The following EVA1A variants were observed in gnomAD, a reference collection of about 807,000 sequenced individuals.
EVA1A encodes protein eva-1 homolog A.
A neutral mutation model predicts 9.8 loss-of-function variants in EVA1A; 7 were observed. That is an observed-to-expected ratio of 0.71 (90% CI 0.41 to 1.34). EVA1A has a LOEUF of 1.34. EVA1A is among the 40% of genes most tolerant of loss of function. EVA1A has a pLI of 0.01. For synonymous variants in EVA1A, 90 were observed against 85.6 expected, an observed-to-expected ratio of 1.05 and a Z score of -0.28; for missense variants, 206 against 205.9, an observed-to-expected ratio of 1.00 and a Z score of 0.00.
chr2:75,507,427 A>G (rs1373406364), intron 3 of EVA1A, among the ~76,000 whole-genome samples: 2 of 152,176 alleles, frequency 1.3e-5, no homozygotes, highest in Non-Finnish European at 2.9e-5. Context: ...AGGTCTTCCC[A>G]GGTTTCCAAG....
At chr2:75,539,103 T>G (rs1474536526) in intron 1 of EVA1A, among the ~76,000 whole-genome samples, 1 of 152,182 alleles carries the variant, frequency 6.6e-6, no homozygotes, top group Non-Finnish European at 1.5e-5. Flanking sequence ...TGCATAATCT[T>G]TAGAGTCTTC....
chr2:75,520,975 ATCC>A (rs1204800046), intron 2 of EVA1A, among the ~76,000 whole-genome samples: 3 of 152,210 alleles, frequency 2.0e-5, no homozygotes, highest in Non-Finnish European at 2.9e-5. Flanking sequence ...ACTGCTACCT[ATCC>A]TAATTCCTAA....
intron 1 of EVA1A, among the ~76,000 whole-genome samples, chr2:75,549,656 T>G (rs766328545): frequency 5.3e-5 from 8 of 152,208 alleles, no homozygotes; most frequent in African/African-American, 1.2e-4. Context: ...TCTTGAATGA[T>G]GTACTGTTTA....
chr2:75,529,215 T>C (rs1675560396), intron 1 of EVA1A, among the ~76,000 whole-genome samples: 1 of 152,084 alleles, frequency 6.6e-6, no homozygotes, highest in Non-Finnish European at 1.5e-5. Flanking sequence ...TAAATATATA[T>C]GTACCCAACA....
chr2:75,544,400 T>G (rs1676251301), intron 1 of EVA1A, among the ~76,000 whole-genome samples: 2 of 152,202 alleles, frequency 1.3e-5, no homozygotes, highest in South Asian at 4.1e-4. Flanking sequence ...AGCATTATTA[T>G]TAGTATTATT....
chr2:75,506,880 C>T (rs2103806670), intron 3 of EVA1A, among the ~76,000 whole-genome samples: 1 of 152,246 alleles, frequency 6.6e-6, no homozygotes, highest in East Asian at 1.9e-4. Context: ...GACTCCATAG[C>T]CGTTTACCAA....
At chr2:75,538,807 G>T (rs1367865806) in intron 1 of EVA1A, among the ~76,000 whole-genome samples, 1 of 152,162 alleles carries the variant, frequency 6.6e-6, no homozygotes, top group African/African-American at 2.4e-5. Flanking sequence ...ATAGAAATAG[G>T]GAATAAATTA....
intron 1 of EVA1A, among the ~76,000 whole-genome samples, chr2:75,536,837 C>T (rs1675922822): frequency 6.6e-6 from 1 of 152,030 alleles, no homozygotes; most frequent in African/African-American, 2.4e-5. Flanking sequence ...AAAAAAACAA[C>T]TTCAGGCCTA....
At chr2:75,550,852 G>A (rs984852746) in intron 1 of EVA1A, among the ~76,000 whole-genome samples, 8 of 152,176 alleles carry the variant, frequency 5.3e-5, no homozygotes, top group Non-Finnish European at 1.2e-4. Flanking sequence ...GGGCAGGCAC[G>A]GTGGCTCACG....
intron 1 of EVA1A, among the ~76,000 whole-genome samples, chr2:75,568,574 G>A (rs1036701539): frequency 5.3e-5 from 8 of 151,940 alleles, no homozygotes; most frequent in African/African-American, 1.5e-4. Context: ...GGCAGTATAC[G>A]CTGTACCCAG....
At chr2:75,535,995 CT>C (rs1448997504) in intron 1 of EVA1A, among the ~76,000 whole-genome samples, 2 of 152,306 alleles carry the variant, frequency 1.3e-5, no homozygotes, top group African/African-American at 4.8e-5. Flanking sequence ...AAAGTCCTTT[CT>C]TTGATTATTT....
At chr2:75,499,154 G>T (rs941243350) in intron 3 of EVA1A, among the ~76,000 whole-genome samples, 1 of 152,158 alleles carries the variant, frequency 6.6e-6, no homozygotes, top group South Asian at 2.1e-4. Context: ...AAAAGCCCTG[G>T]ACTTGGCCTC....
At chr2:75,542,936 G>A (rs1452333062) in intron 1 of EVA1A, among the ~76,000 whole-genome samples, 1 of 152,088 alleles carries the variant, frequency 6.6e-6, no homozygotes, top group Non-Finnish European at 1.5e-5. Context: ...GCTAGATGAG[G>A]CAATCCTGAG....
intron 3 of EVA1A, among the ~76,000 whole-genome samples, chr2:75,494,436 T>C (rs1443984341): frequency 6.6e-6 from 1 of 152,208 alleles, no homozygotes; most frequent in Non-Finnish European, 1.5e-5. Context: ...TGTGATTTTG[T>C]CTTGTTCTCT....
At chr2:75,511,791 C>T (rs934241309) in intron 3 of EVA1A, among the ~76,000 whole-genome samples, 9 of 152,020 alleles carry the variant, frequency 5.9e-5, no homozygotes, top group South Asian at 2.1e-4. Flanking sequence ...ATTCTACATG[C>T]GCAGGATATA....
At chr2:75,536,110 G>C (rs1218610865) in intron 1 of EVA1A, among the ~76,000 whole-genome samples, 1 of 152,154 alleles carries the variant, frequency 6.6e-6, no homozygotes, top group African/African-American at 2.4e-5. Flanking sequence ...AGCCAAGGCG[G>C]GCAGATTGCT....
chr2:75,543,021 G>A (rs899780035), intron 1 of EVA1A, among the ~76,000 whole-genome samples: 1 of 152,228 alleles, frequency 6.6e-6, no homozygotes, highest in African/African-American at 2.4e-5. Context: ...GTATCCACTG[G>A]AAAATAAAAA....
At chr2:75,548,979 G>GAAA (rs150555298) in intron 1 of EVA1A, among the ~76,000 whole-genome samples, 3 of 130,168 alleles carry the variant, frequency 2.3e-5, no homozygotes, top group African/African-American at 9.0e-5. Flanking sequence ...CTGGCTAAAT[G>GAAA]AAAAATATAT....
Position 75,512,751 on chromosome 2 carries a change from A to G in EVA1A, c.85+5305T>C, listed in dbSNP as rs144908456. On this transcript the variant is annotated intron_variant, in intron 3 of 3. Coordinates refer to ENST00000393913, the MANE Select transcript of EVA1A (RefSeq NM_001135032.2). ...CAGAACTATTGATGTCTTGGCCCCA[A>G]TAATTCTTTGTTGCAGGAGATTGTC... 2.3e-3 allele frequency among the ~76,000 whole-genome samples: 349 copies of G among 152,198 alleles called. 1 individual carries two copies. Among genetic ancestry groups the G allele is most frequent in the Non-Finnish European group, 4.0e-3 (270 of 67,980 alleles).
Sources: gnomAD v4.1 joint callset for allele counts (sites outside exome capture counted in the v4.1 genomes callset) on GRCh38, gnomAD v4.1.1 for gene constraint, MANE v1.5 for transcripts, NCBI Gene and HGNC (gene_info 2026-07-23, HGNC 2026-07-21) for gene names.